CDH11: variants seen among roughly 807,000 people sequenced by gnomAD.
The protein encoded by CDH11 is cadherin 11.
In CDH11, 11 loss-of-function variants were observed where a neutral mutation model predicts 67.8. The ratio of observed to expected loss-of-function variants is 0.16; its 90% CI spans 0.10 to 0.27. The LOEUF (loss-of-function observed/expected upper bound fraction) is 0.27. Ranked by LOEUF, CDH11 falls within the 10% of genes least tolerant of loss-of-function variation. The probability of loss-of-function intolerance (pLI) is 1.00; values close to 1 mark genes in which losing one functional copy is unlikely to be tolerated. For missense variants in CDH11, 847 were observed against 1,031.2 expected, an observed-to-expected ratio of 0.82 and a Z score of 2.45; for synonymous variants, 419 against 400.0, an observed-to-expected ratio of 1.05 and a Z score of -0.57.
intron 7 of CDH11, chr16:64,987,176 T>C (rs1188339443): frequency 1.3e-5 from 2 of 152,218 alleles, no homozygotes; most frequent in East Asian, 1.9e-4. Context: ...ATTTCTCAAG[T>C]GGTAAATCAC....
chr16:64,988,173 ACC>A lies in CDH11; in HGVS notation c.981_982del (p.Val328AspfsTer10). On this transcript the variant is annotated frameshift_variant, in exon 7 of 13. Transcript: ENST00000268603. LOFTEE classifies it high-confidence loss of function. ...CTAACTCACCTTTTTCAGCTTTATCACCCCCTCCTGTGTTTCATAGTCCGTTG... is the reference window on the plus strand; with the variant it reads ...CTAACTCACCTTTTTCAGCTTTATCACCCTCCTGTGTTTCATAGTCCGTTG... The A allele has an allele frequency of 6.2e-7, 1 of 1,607,036 alleles. No homozygotes were observed. Among genetic ancestry groups the A allele is most frequent in the Non-Finnish European group, 8.5e-7 (1 of 1,176,778 alleles).
intron 4 of CDH11, among the ~76,000 whole-genome samples, chr16:64,995,351 G>A (rs909487452): frequency 6.6e-6 from 1 of 152,042 alleles, no homozygotes; most frequent in Non-Finnish European, 1.5e-5. Flanking sequence ...TATACTACAA[G>A]GCTACAGTAA....
chr16:65,005,215 G>A (rs1049530431), intron 2 of CDH11, among the ~76,000 whole-genome samples, 174 bp from the exon 3 acceptor site: 1 of 152,192 alleles, frequency 6.6e-6, no homozygotes, highest in African/African-American at 2.4e-5. Context: ...GGGGATAAGA[G>A]TGTACCCAGT....
intron 11 of CDH11, among the ~76,000 whole-genome samples, chr16:64,957,881 T>G (rs1455488991): frequency 6.6e-6 from 1 of 152,228 alleles, no homozygotes; most frequent in Non-Finnish European, 1.5e-5. Context: ...GTTTACCATC[T>G]TCAATCCAAG....
At chr16:65,088,623 G>A (rs148346697) in intron 1 of CDH11, among the ~76,000 whole-genome samples, 46 of 152,108 alleles carry the variant, frequency 3.0e-4, no homozygotes, top group African/African-American at 1.0e-3. Flanking sequence ...CATTTAGCAC[G>A]TTTTCACTTT....
At chr16:65,088,683 A>T (rs2074742520) in intron 1 of CDH11, among the ~76,000 whole-genome samples, 1 of 152,144 alleles carries the variant, frequency 6.6e-6, no homozygotes, top group Non-Finnish European at 1.5e-5. Flanking sequence ...AGCTATATTA[A>T]GGTAAAATTT....
intron 11 of CDH11, among the ~76,000 whole-genome samples, chr16:64,970,205 A>T (rs2071966031): frequency 6.6e-6 from 1 of 152,186 alleles, no homozygotes; most frequent in African/African-American, 2.4e-5. Context: ...CACCTAGGGC[A>T]TTTTGCCTCA....
chr16:64,970,316 C>T (rs897254894), intron 11 of CDH11, among the ~76,000 whole-genome samples: 1 of 152,262 alleles, frequency 6.6e-6, no homozygotes, highest in Non-Finnish European at 1.5e-5. Context: ...CCCTCAAAAT[C>T]CAAGCAGCAT....
At chr16:65,045,329 G>GTA (rs57695452) in intron 2 of CDH11, among the ~76,000 whole-genome samples, 2,520 of 62,650 alleles carry the variant, frequency 0.04, 303 homozygotes, top group Non-Finnish European at 0.049. Context: ...TCCCTCAAAA[G>GTA]TATATATATA....
intron 1 of CDH11, among the ~76,000 whole-genome samples, chr16:65,115,028 A>G (rs894098645): frequency 1.3e-5 from 2 of 152,206 alleles, no homozygotes; most frequent in Non-Finnish European, 2.9e-5. Context: ...TTATCAAGAG[A>G]CTAATTATCT....
chr16:65,090,865 A>G (rs1479752983), intron 1 of CDH11, among the ~76,000 whole-genome samples: 1 of 152,228 alleles, frequency 6.6e-6, no homozygotes, highest in African/African-American at 2.4e-5. Context: ...CCGCTATTCC[A>G]TTCTTTTCCA....
Position 64,943,889 on chromosome 16 carries a change from TCCCA to T in CDH11, c.*3710_*3713del. 4.4e-6 allele frequency: 1 copy of T among 229,066 alleles called. No individual in the cohort carries two copies. Among genetic ancestry groups the T allele is most frequent in the African/African-American group, 2.2e-5 (1 of 45,216 alleles). The allele number at this position is 229,066 out of a possible 1,614,324, so 14.2% of individuals were successfully genotyped here. A position where few individuals can be genotyped will look rare whatever the true frequency, so the allele number is the denominator to read the frequency against. ...GCTTACATTCTAGTGGGGCAGTCAG[TCCCA>T]CCCACCCACACACATACATAAAGCC... On this transcript the variant is annotated 3_prime_UTR_variant, in exon 13 of 13. Transcript: ENST00000268603.
chr16:64,974,902 A>G (rs1400703316), intron 8 of CDH11, among the ~76,000 whole-genome samples: 2 of 152,212 alleles, frequency 1.3e-5, no homozygotes, highest in African/African-American at 2.4e-5. Context: ...CAACTTCATA[A>G]TCTGCTACAT....
chr16:64,949,324 C>T (rs188611175), intron 12 of CDH11, among the ~76,000 whole-genome samples: 8 of 152,076 alleles, frequency 5.3e-5, no homozygotes, highest in Non-Finnish European at 1.0e-4. Flanking sequence ...ATCCAAGCCT[C>T]TGTCCTCAGC....
At chr16:65,106,021 G>C (rs1422294592) in intron 1 of CDH11, among the ~76,000 whole-genome samples, 1 of 152,166 alleles carries the variant, frequency 6.6e-6, no homozygotes, top group Non-Finnish European at 1.5e-5. Context: ...ACTATGTTCT[G>C]AGTTTCCATG....
At chr16:64,956,999 T>A (rs979282417) in intron 11 of CDH11, among the ~76,000 whole-genome samples, 5 of 151,924 alleles carry the variant, frequency 3.3e-5, no homozygotes, top group Non-Finnish European at 5.9e-5. Flanking sequence ...AAGGAAAAAA[T>A]TAAAAGCAGA....
At chr16:64,989,593 G>GACT (rs2072579696) in intron 6 of CDH11, among the ~76,000 whole-genome samples, 1 of 152,162 alleles carries the variant, frequency 6.6e-6, no homozygotes, top group Non-Finnish European at 1.5e-5. Context: ...GGAGGAGAGT[G>GACT]ACTACAGCCT....
At chr16:65,019,251 CA>C (rs1220207177) in intron 2 of CDH11, among the ~76,000 whole-genome samples, 1 of 152,070 alleles carries the variant, frequency 6.6e-6, no homozygotes. Flanking sequence ...GCAAGTTTGT[CA>C]AATATCAAAG....
intron 7 of CDH11, chr16:64,982,847 T>C (rs1411509023): frequency 6.5e-6 from 1 of 153,034 alleles, no homozygotes; most frequent in African/African-American, 2.4e-5. Flanking sequence ...TAAGATGACA[T>C]AGGGTGGTTT....
Sources: gnomAD v4.1 joint callset for allele counts (sites outside exome capture counted in the v4.1 genomes callset) on GRCh38, gnomAD v4.1.1 for gene constraint, MANE v1.5 for transcripts, NCBI Gene and HGNC (gene_info 2026-07-23, HGNC 2026-07-21) for gene names.